The following DIAPH2 variants were observed in gnomAD, a reference collection of about 807,000 sequenced individuals.
DIAPH2 encodes the protein diaphanous related formin 2.
In DIAPH2, 35 loss-of-function variants were observed where a neutral mutation model predicts 92.7. The observed-to-expected ratio is 0.38, with a 90% CI of 0.29 to 0.50. The LOEUF (loss-of-function observed/expected upper bound fraction) is 0.50. Among genes scored for constraint, DIAPH2 ranks in the 20% least tolerant of loss-of-function variants. The pLI is 0.94. For missense variants in DIAPH2, 701 were observed against 819.5 expected, an observed-to-expected ratio of 0.86 and a Z score of 1.77; for synonymous variants, 301 against 280.4, an observed-to-expected ratio of 1.07 and a Z score of -0.73.
At chrX:96,723,453 TAGAA>T (rs2064000763) in intron 1 of DIAPH2, among the ~76,000 whole-genome samples, 2 of 111,610 alleles carry the variant, frequency 1.8e-5, no homozygotes, top group African/African-American at 6.5e-5. Flanking sequence ...GTCCTGCCTA[TAGAA>T]AGGAAAAATC....
In DIAPH2 at chrX:97,601,115, C is replaced by CTAAT. The variant is rs1403336422; in HGVS notation, c.*1800_*1803dup. The CTAAT allele has an allele frequency of 8.9e-6, 1 of 112,134 alleles. No homozygotes were observed. Among genetic ancestry groups the CTAAT allele is most frequent in the African/African-American group, 3.2e-5 (1 of 30,868 alleles). 9.2% of individuals were successfully genotyped at this position (112,134 alleles called of 1,213,427 possible). ...TTTAACAACAACAAAAGTTTAGGTT[C>CTAAT]TAATTTATGTAAATACCTAGTATGT... On this transcript the variant is annotated 3_prime_UTR_variant, in exon 27 of 27. Transcript: ENST00000324765.
At chrX:97,207,935 CGA>C (rs1418463220) in intron 22 of DIAPH2, among the ~76,000 whole-genome samples, 1 of 111,240 alleles carries the variant, frequency 9.0e-6, no homozygotes, top group Non-Finnish European at 1.9e-5. Flanking sequence ...GGGTGGATCA[CGA>C]GGTCAGGAGT....
chrX:97,535,702 C>T (rs1028036898), intron 26 of DIAPH2, among the ~76,000 whole-genome samples: 6 of 111,807 alleles, frequency 5.4e-5, no homozygotes, highest in Admixed American at 2.8e-4. Flanking sequence ...CACCTGCCTC[C>T]GCCTCCCAAA....
intron 17 of DIAPH2, among the ~76,000 whole-genome samples, chrX:97,045,774 C>A (rs2066478102): frequency 9.3e-6 from 1 of 107,092 alleles, no homozygotes; most frequent in African/African-American, 3.5e-5. Flanking sequence ...CTAGACAATT[C>A]TTGAAAAGCT....
chrX:97,086,243 C>G (rs1007201322), intron 19 of DIAPH2, among the ~76,000 whole-genome samples: 7 of 111,566 alleles, frequency 6.3e-5, no homozygotes, highest in Non-Finnish European at 1.9e-5. Flanking sequence ...AGAAGGAAAT[C>G]TTTGAACCTG....
intron 17 of DIAPH2, among the ~76,000 whole-genome samples, chrX:96,971,451 G>A (rs760769066): frequency 7.3e-5 from 8 of 110,112 alleles, no homozygotes; most frequent in Non-Finnish European, 1.3e-4. Flanking sequence ...TGTGGGTGTG[G>A]GTGTATGTGT....
chrX:96,891,187 A>G (rs778269103), intron 5 of DIAPH2, among the ~76,000 whole-genome samples: 1 of 112,449 alleles, frequency 8.9e-6, no homozygotes, highest in South Asian at 3.7e-4. Flanking sequence ...AATCAGAAAA[A>G]GAATGAAGCT....
chrX:96,853,734 CACTT>C (rs759926458), intron 4 of DIAPH2, among the ~76,000 whole-genome samples: 233 of 111,805 alleles, frequency 2.1e-3, no homozygotes, highest in African/African-American at 7.2e-3. Flanking sequence ...CATCTTAAAA[CACTT>C]ACTATTTACT....
At chrX:97,192,671 CCTA>C (rs2067664559) in intron 22 of DIAPH2, among the ~76,000 whole-genome samples, 1 of 111,532 alleles carries the variant, frequency 9.0e-6, no homozygotes, top group Admixed American at 9.6e-5. Flanking sequence ...GATAAAATAT[CCTA>C]CTTTTATGAG....
chrX:97,456,158 C>T (rs562295194), intron 26 of DIAPH2, among the ~76,000 whole-genome samples: 57 of 112,083 alleles, frequency 5.1e-4, no homozygotes, highest in African/African-American at 1.8e-3. Context: ...GAGGCCGAGG[C>T]GGGCGGATCA....
intron 22 of DIAPH2, among the ~76,000 whole-genome samples, chrX:97,173,262 G>A (rs752669144): frequency 1.8e-5 from 2 of 111,618 alleles, no homozygotes; most frequent in East Asian, 2.8e-4. Flanking sequence ...CTGTGGTGGC[G>A]TGGGCCGGTA....
intron 17 of DIAPH2, among the ~76,000 whole-genome samples, chrX:97,022,982 A>G (rs1196114794): frequency 1.8e-5 from 2 of 111,397 alleles, no homozygotes; most frequent in Non-Finnish European, 3.8e-5. Context: ...CCAGTAGTTC[A>G]AGGCTTCAGT....
intron 17 of DIAPH2, among the ~76,000 whole-genome samples, chrX:97,004,318 T>C (rs1180427866): frequency 2.7e-5 from 3 of 111,743 alleles, no homozygotes; most frequent in African/African-American, 9.8e-5. Context: ...TCTTGGTAGG[T>C]TGTATGTGTC....
chrX:97,305,069 C>T (rs1448010056), intron 23 of DIAPH2, among the ~76,000 whole-genome samples: 1 of 111,510 alleles, frequency 9.0e-6, no homozygotes, highest in Non-Finnish European at 1.9e-5. Context: ...TCACCATAGT[C>T]GAAGAGTCAT....
chrX:96,836,710 TA>T (rs1569409221), intron 4 of DIAPH2, among the ~76,000 whole-genome samples: 804 of 25,426 alleles, frequency 0.032, 28 homozygotes, highest in Non-Finnish European at 0.048. Context: ...TATATATATA[TA>T]TATATATTTT....
intron 17 of DIAPH2, among the ~76,000 whole-genome samples, chrX:97,063,033 CA>C (rs56405925): frequency 0.014 from 793 of 57,365 alleles, 7 homozygotes; most frequent in African/African-American, 0.041. Context: ...AACTCTGTCT[CA>C]AAAAAAAAAA....
At chrX:97,292,772 T>C in intron 23 of DIAPH2, among the ~76,000 whole-genome samples, 3 of 111,548 alleles carry the variant, frequency 2.7e-5, no homozygotes, top group Middle Eastern at 9.2e-3. Flanking sequence ...CTCAAGAGCA[T>C]GTCTACTATT....
chrX:96,753,050 A>C (rs1465796737), intron 3 of DIAPH2, among the ~76,000 whole-genome samples: 1 of 111,763 alleles, frequency 8.9e-6, no homozygotes, highest in African/African-American at 3.3e-5. Flanking sequence ...TAATGTAGAA[A>C]TGTCACTGGA....
chrX:97,532,186 A>G (rs77163248), intron 26 of DIAPH2, among the ~76,000 whole-genome samples: 1 of 112,979 alleles, frequency 8.9e-6, no homozygotes, highest in African/African-American at 3.2e-5. Flanking sequence ...AAAGAGAACT[A>G]TTATCCACAT....
Sources: allele counts gnomAD v4.1 joint callset (sites outside exome capture counted in the v4.1 genomes callset), GRCh38; gene constraint gnomAD v4.1.1; transcripts MANE v1.5; gene names NCBI Gene and HGNC (gene_info 2026-07-23, HGNC 2026-07-21).